Variants in FBXO11 observed in about 807,000 individuals in gnomAD.
The protein encoded by FBXO11 is F-box only protein 11.
A neutral mutation model predicts 117.0 loss-of-function variants in FBXO11; 13 were observed. The ratio of observed to expected loss-of-function variants is 0.11; its 90% CI spans 0.07 to 0.18. FBXO11 has a LOEUF of 0.18. Ranked by LOEUF, FBXO11 falls within the 10% of genes least tolerant of loss-of-function variation. The probability of loss-of-function intolerance (pLI) is 1.00; values close to 1 mark genes in which losing one functional copy is unlikely to be tolerated. For synonymous variants in FBXO11, 490 were observed against 380.5 expected (o/e 1.29, Z -3.35); for missense variants, 767 against 1,164.4 (o/e 0.66, Z 4.97).
chr2:47,823,018 G>A, intron 12 of FBXO11, 125 bp downstream of exon 12: 1 of 619,492 alleles, frequency 1.6e-6, no homozygotes, highest in Non-Finnish European at 2.7e-6. Context: ...CTTTAACTAG[G>A]AAAATCTATT....
At chr2:47,886,244 A>G (rs1676835972) in intron 1 of FBXO11, among the ~76,000 whole-genome samples, 2 of 152,122 alleles carry the variant, frequency 1.3e-5, no homozygotes, top group Admixed American at 1.3e-4. Flanking sequence ...ACGGTGCCTC[A>G]CGCTGTAATC....
chr2:47,811,694 A>G (rs1286057518), intron 18 of FBXO11: 1 of 152,152 alleles, frequency 6.6e-6, no homozygotes, highest in Non-Finnish European at 1.5e-5. Flanking sequence ...GTAGTCACCC[A>G]CCCAAATCAG....
intron 1 of FBXO11, among the ~76,000 whole-genome samples, chr2:47,842,974 C>G (rs143041624): frequency 3.9e-5 from 6 of 152,102 alleles, no homozygotes; most frequent in African/African-American, 1.2e-4. Context: ...TTTGTAGACA[C>G]AAGGTCTCAC....
chr2:47,905,341 G>T (rs1678696029), intron 1 of FBXO11, 148 bp downstream of exon 1: 3 of 822,678 alleles, frequency 3.6e-6, no homozygotes, highest in Non-Finnish European at 4.7e-6. Context: ...CTGACACTGC[G>T]GCACCGGGGG....
At chr2:47,829,218 G>T (rs902238859) in intron 11 of FBXO11, among the ~76,000 whole-genome samples, 1 of 150,214 alleles carries the variant, frequency 6.7e-6, no homozygotes, top group Non-Finnish European at 1.5e-5. Flanking sequence ...TAGTTATTTG[G>T]CACTGCTATG....
At chr2:47,903,658 A>G (rs974095047) in intron 1 of FBXO11, among the ~76,000 whole-genome samples, 8 of 152,236 alleles carry the variant, frequency 5.3e-5, no homozygotes, top group African/African-American at 1.9e-4. Flanking sequence ...AAATTGTTTG[A>G]CACGTTTTGA....
chr2:47,851,937 G>A (rs944098072), intron 1 of FBXO11, among the ~76,000 whole-genome samples: 3 of 151,290 alleles, frequency 2.0e-5, no homozygotes, highest in South Asian at 4.2e-4. Context: ...AAATTTGTGC[G>A]TCTATCTTGG....
chr2:47,869,940 G>A (rs1324530359), intron 1 of FBXO11, among the ~76,000 whole-genome samples: 1 of 152,206 alleles, frequency 6.6e-6, no homozygotes, highest in African/African-American at 2.4e-5. Flanking sequence ...GCCTCCCAAA[G>A]TGCTGGGATT....
chr2:47,868,895 C>A (rs1558458526), intron 1 of FBXO11, among the ~76,000 whole-genome samples: 1 of 152,224 alleles, frequency 6.6e-6, no homozygotes. Flanking sequence ...CTGGCATAGA[C>A]ACTTCACAGC....
At chr2:47,816,882 T>G (rs1441598530) in intron 16 of FBXO11, among the ~76,000 whole-genome samples, 1 of 152,190 alleles carries the variant, frequency 6.6e-6, no homozygotes, top group African/African-American at 2.4e-5. Context: ...CAGAGTAGAT[T>G]TAGCATAATT....
At chr2:47,874,534 T>A (rs552760758) in intron 1 of FBXO11, among the ~76,000 whole-genome samples, 64 of 146,782 alleles carry the variant, frequency 4.4e-4, no homozygotes, top group Middle Eastern at 3.6e-3. Flanking sequence ...GTACAAAATT[T>A]AAAAAAAAAA....
chr2:47,903,662 G>A (rs1432086253), intron 1 of FBXO11, among the ~76,000 whole-genome samples: 1 of 152,152 alleles, frequency 6.6e-6, no homozygotes, highest in Non-Finnish European at 1.5e-5. Flanking sequence ...TGTTTGACAC[G>A]TTTTGATCCA....
At chr2:47,858,882 T>C (rs1298342065) in intron 1 of FBXO11, among the ~76,000 whole-genome samples, 1 of 149,680 alleles carries the variant, frequency 6.7e-6, no homozygotes, top group Non-Finnish European at 1.5e-5. Context: ...CTACTAAAAA[T>C]ACAAAAATTA....
intron 1 of FBXO11, among the ~76,000 whole-genome samples, chr2:47,857,916 T>C (rs2103713660): frequency 6.6e-6 from 1 of 152,050 alleles, no homozygotes; most frequent in African/African-American, 2.4e-5. Context: ...ATCGCCATTA[T>C]TTTGTCCTTT....
Position 47,828,916 on chromosome 2 carries a change from ATTT to A in FBXO11, c.1398+3430_1398+3432del, listed in dbSNP as rs991882810. On this transcript the variant is annotated intron_variant, in intron 11 of 22. Transcript: ENST00000403359. Reference sequence around the variant, plus strand: ...ATCTAATGGCATGAATATGCCATGAATTTTTTTATTTTTTTGACAGAGTCTCAC... The same window carrying A: ...ATCTAATGGCATGAATATGCCATGAATTTTATTTTTTTGACAGAGTCTCAC... Among the ~76,000 whole-genome samples, 45 of 152,038 alleles carry A rather than the reference ATTT, an allele frequency of 3.0e-4. 1 individual carries two copies. Among genetic ancestry groups the A allele is most frequent in the African/African-American group, 1.0e-3 (42 of 41,396 alleles).
chr2:47,861,082 T>G (rs919852136), intron 1 of FBXO11, among the ~76,000 whole-genome samples: 3 of 151,814 alleles, frequency 2.0e-5, no homozygotes, highest in Non-Finnish European at 2.9e-5. Flanking sequence ...ACTCCCAACC[T>G]CAGGTGATCC....
chr2:47,876,702 G>C (rs904985571), intron 1 of FBXO11, among the ~76,000 whole-genome samples: 1 of 152,072 alleles, frequency 6.6e-6, no homozygotes, highest in Non-Finnish European at 1.5e-5. Flanking sequence ...TTTCACTTTT[G>C]AGCATCTAGA....
chr2:47,816,291 C>T (rs1671001228), intron 16 of FBXO11, among the ~76,000 whole-genome samples: 1 of 152,134 alleles, frequency 6.6e-6, no homozygotes, highest in African/African-American at 2.4e-5. Flanking sequence ...GCGATCCTCC[C>T]ACCTCAGCCT....
rs146568207 is a variant in FBXO11 at position 47,822,685 on chromosome 2, T to C, written c.1617-382A>G. Among the ~76,000 whole-genome samples, 180 of 152,350 alleles carry C rather than the reference T, an allele frequency of 1.2e-3. 1 individual carries two copies. Among genetic ancestry groups the C allele is most frequent in the African/African-American group, 3.0e-3 (125 of 41,590 alleles). On this transcript the variant is annotated intron_variant, in intron 12 of 22. Transcript: ENST00000403359. ...TTATAATACCTTTGGTTCTACAATTTTGGCTTATTAAGGGAAAATGACAGC... is the reference window on the plus strand; with the variant it reads ...TTATAATACCTTTGGTTCTACAATTCTGGCTTATTAAGGGAAAATGACAGC...
Sources: gnomAD v4.1 joint callset for allele counts (sites outside exome capture counted in the v4.1 genomes callset) on GRCh38, gnomAD v4.1.1 for gene constraint, MANE v1.5 for transcripts, NCBI Gene and HGNC (gene_info 2026-07-23, HGNC 2026-07-21) for gene names.